Variants in HPGD observed in about 807,000 individuals in gnomAD.
HPGD encodes the protein 15-hydroxyprostaglandin dehydrogenase, also known as 15-hydroxyprostaglandin dehydrogenase [NAD(+)].
Under a neutral mutation model 30.0 loss-of-function variants are expected in HPGD, and 29 were observed. That is an observed-to-expected ratio of 0.97 (90% confidence interval 0.72 to 1.32). The LOEUF (loss-of-function observed/expected upper bound fraction) is 1.32, where lower values mean the gene tolerates loss of function less well. HPGD is among the 40% of genes most tolerant of loss of function. The pLI, the probability that HPGD is intolerant of heterozygous loss-of-function variation, is 0.00. For missense variants in HPGD, 340 were observed against 322.1 expected, an observed-to-expected ratio of 1.06 and a Z score of -0.43; for synonymous variants, 99 against 112.4, an observed-to-expected ratio of 0.88 and a Z score of 0.75.
intron 4 of HPGD, among the ~76,000 whole-genome samples, chr4:174,506,010 G>A (rs751264333): frequency 2.6e-5 from 4 of 152,160 alleles, no homozygotes; most frequent in South Asian, 2.1e-4. Flanking sequence ...TCAAGTCATC[G>A]TTTTATCTGC....
Position 174,492,142 on chromosome 4 carries a change from T to C in HPGD, c.663-48A>G. 1.3e-6 allele frequency: 2 copies of C among 1,531,686 alleles called. No homozygotes were observed. 94.9% of individuals were successfully genotyped at this position (1,531,686 alleles called of 1,614,324 possible). On this transcript the variant is annotated intron_variant, in intron 6 of 6. Transcript: ENST00000296522. The surrounding 1 kb of genome is among the most constrained non-coding windows in gnomAD (Gnocchi z 4.9). ...TTTGAAACGAAAGAATGAGGCATAT[T>C]ACCACTTCATTTTAAGTTATTTTCT...
chr4:174,517,226 T>G (rs1735827470), intron 3 of HPGD, among the ~76,000 whole-genome samples: 1 of 152,182 alleles, frequency 6.6e-6, no homozygotes, highest in Non-Finnish European at 1.5e-5. Flanking sequence ...AGAGAAAATT[T>G]TATTTCTTAA....
At chr4:174,501,826 A>G (rs555283307) in intron 4 of HPGD, among the ~76,000 whole-genome samples, 2 of 152,286 alleles carry the variant, frequency 1.3e-5, no homozygotes, top group Admixed American at 1.3e-4. Flanking sequence ...TAGTTCTTCT[A>G]TTCTTCATAA....
intron 4 of HPGD, among the ~76,000 whole-genome samples, chr4:174,503,991 T>C (rs1735047857): frequency 6.6e-6 from 1 of 152,110 alleles, no homozygotes; most frequent in Non-Finnish European, 1.5e-5. Context: ...CCCAAAGCAT[T>C]GTGATTATAG....
At chr4:174,502,435 T>TAA (rs2110806717) in intron 4 of HPGD, among the ~76,000 whole-genome samples, 1 of 152,008 alleles carries the variant, frequency 6.6e-6, no homozygotes, top group Admixed American at 6.5e-5. Flanking sequence ...TCCCAGCACT[T>TAA]TGGGAGGCCG....
At chr4:174,517,872 G>T in intron 3 of HPGD, 99 bp downstream of exon 3, 3 of 665,278 alleles carry the variant, frequency 4.5e-6, no homozygotes, top group South Asian at 1.8e-5. Flanking sequence ...AATATTGTAG[G>T]TCATTGTTTT....
intron 3 of HPGD, among the ~76,000 whole-genome samples, chr4:174,517,710 T>C (rs942009452): frequency 1.3e-5 from 2 of 152,196 alleles, no homozygotes; most frequent in East Asian, 1.9e-4. Context: ...GGCCTGTGGG[T>C]CATAGTCTGC....
At chr4:174,514,508 G>A (rs1009337744) in intron 3 of HPGD, among the ~76,000 whole-genome samples, 3 of 152,028 alleles carry the variant, frequency 2.0e-5, no homozygotes, top group Non-Finnish European at 4.4e-5. Context: ...ATCTTTTCAT[G>A]TTAAAAAATC....
intron 2 of HPGD, among the ~76,000 whole-genome samples, chr4:174,519,276 T>G (rs1320963708): frequency 6.6e-6 from 1 of 151,484 alleles, no homozygotes; most frequent in African/African-American, 2.4e-5. Context: ...TGCAGTGGCC[T>G]GATCTCAGCT....
Position 174,515,421 on chromosome 4 carries a change from C to G in HPGD, c.324+2550G>C, listed in dbSNP as rs1279991795. ...AAAACGAGCATGGGGAAAGGATGCA[C>G]TATTCAATAAATTGTGCTGGGATAA... On this transcript the variant is annotated intron_variant, in intron 3 of 6. Coordinates refer to ENST00000296522, the MANE Select transcript of HPGD (RefSeq NM_000860.6). 2.0e-5 allele frequency among the ~76,000 whole-genome samples: 3 copies of G among 152,164 alleles called. No individual in the cohort carries two copies. The East Asian group carries it at 5.8e-4, about 29-fold the overall frequency.
In HPGD at chr4:174,491,001, C is replaced by A. The variant is rs892616116; in HGVS notation, c.*955G>T. The A allele has an allele frequency of 6.6e-6, 1 of 152,336 alleles. No individual in the cohort carries two copies. Among genetic ancestry groups the A allele is most frequent in the African/African-American group, 2.4e-5 (1 of 41,426 alleles). 9.4% of individuals were successfully genotyped at this position (152,336 alleles called of 1,614,324 possible). A position where few individuals can be genotyped will look rare whatever the true frequency, so the allele number is the denominator to read the frequency against. On this transcript the variant is annotated 3_prime_UTR_variant, in exon 7 of 7. Transcript: ENST00000296522. ...ATGAGTTTCAGCATGGGTACAAAAA[C>A]ATTTACAGTTGTGGCTGTGGCAAAA...
rs150533582 is a variant in HPGD, at chr4:174,496,931, CTTG to C, written c.422-1310_422-1308del. 4.2e-3 allele frequency among the ~76,000 whole-genome samples: 642 copies of C among 152,266 alleles called. 1 individual carries two copies. Among genetic ancestry groups the C allele is most frequent in the Non-Finnish European group, 7.0e-3 (476 of 68,022 alleles). On this transcript the variant is annotated intron_variant, in intron 4 of 6. Transcript: ENST00000296522. The surrounding 1 kb of genome is among the most constrained non-coding windows in gnomAD (Gnocchi z 4.6). ...AAAGTATTGTTAATATGTTGCTTCTCTTGTTGTCATTGTTGTTGTTAAGTAAAA... is the reference window on the plus strand; with the variant it reads ...AAAGTATTGTTAATATGTTGCTTCTCTTGTCATTGTTGTTGTTAAGTAAAA...
Position 174,494,220 on chromosome 4 carries a change from G to C in HPGD, c.499-906C>G, listed in dbSNP as rs1272041725. Among the ~76,000 whole-genome samples the C allele has an allele frequency of 6.6e-6, 1 of 152,120 alleles. No homozygotes were observed. On this transcript the variant is annotated intron_variant, in intron 5 of 6. Coordinates refer to ENST00000296522, the MANE Select transcript of HPGD (RefSeq NM_000860.6). The surrounding 1 kb of genome is among the most constrained non-coding windows in gnomAD (Gnocchi z 4.9). ...TAAGTGCTTTAGTAATGAGTTCAAT[G>C]TTCATACAACCTATGATAAATAAGG...
intron 3 of HPGD, among the ~76,000 whole-genome samples, chr4:174,517,614 C>T (rs1458546642): frequency 6.6e-6 from 1 of 152,090 alleles, no homozygotes; most frequent in Non-Finnish European, 1.5e-5. Flanking sequence ...TCATATTATT[C>T]TTCTTTTGAA....
At chr4:174,506,128 A>G (rs931225864) in intron 4 of HPGD, among the ~76,000 whole-genome samples, 3 of 152,194 alleles carry the variant, frequency 2.0e-5, no homozygotes, top group African/African-American at 7.2e-5. Flanking sequence ...GGGATGACAA[A>G]GCAAGCTCCT....
At chr4:174,495,900 G>A (rs974874352) in intron 4 of HPGD, 3 of 414,580 alleles carry the variant, frequency 7.2e-6, no homozygotes, top group Non-Finnish European at 1.3e-5. Flanking sequence ...AGGCCTTCTG[G>A]AAAGTCAAGG....
chr4:174,515,872 A>G lies in HPGD; in HGVS notation c.324+2099T>C, dbSNP rs12506722. On this transcript the variant is annotated intron_variant, in intron 3 of 6. Transcript: ENST00000296522. Reference sequence around the variant, plus strand: ...GAGGACAGACACATGGCCAACAAACATAAAAAATGCTCAATATCACTAATC... The same window carrying G: ...GAGGACAGACACATGGCCAACAAACGTAAAAAATGCTCAATATCACTAATC... Among the ~76,000 whole-genome samples the G allele has an allele frequency of 5.3e-3, 806 of 152,296 alleles. 32 individuals carry two copies. Among genetic ancestry groups the G allele is most frequent in the Admixed American group, 0.047 (721 of 15,294 alleles).
chr4:174,510,546 A>G (rs987647942), intron 3 of HPGD, among the ~76,000 whole-genome samples: 1 of 152,252 alleles, frequency 6.6e-6, no homozygotes, highest in Non-Finnish European at 1.5e-5. Flanking sequence ...ATGAAGCCAG[A>G]TAGAAAATTT....
At chr4:174,509,480 TC>T (rs1735366823) in intron 3 of HPGD, among the ~76,000 whole-genome samples, 1 of 152,150 alleles carries the variant, frequency 6.6e-6, no homozygotes, top group South Asian at 2.1e-4. Context: ...TGGGAGGCAA[TC>T]AGCTAGAGAT....
Sources: gnomAD v4.1 joint callset for allele counts (sites outside exome capture counted in the v4.1 genomes callset) on GRCh38, gnomAD v4.1.1 for gene constraint, Gnocchi (gnomAD v3.1) non-coding constraint, MANE v1.5 for transcripts, NCBI Gene and HGNC (gene_info 2026-07-23, HGNC 2026-07-21) for gene names.